Variants in NRP2 observed in about 807,000 individuals in gnomAD.
NRP2 encodes neuropilin-2.
Under a neutral mutation model 110.4 loss-of-function variants are expected in NRP2, and 52 were observed. That is an observed-to-expected ratio of 0.47 (90% CI 0.38 to 0.59). The LOEUF is 0.59. Among genes scored for constraint, NRP2 ranks in the 20% least tolerant of loss-of-function variants. The pLI is 0.00. For missense variants in NRP2, 1,049 were observed against 1,203.0 expected, an observed-to-expected ratio of 0.87 and a Z score of 1.89; for synonymous variants, 508 against 468.9, an observed-to-expected ratio of 1.08 and a Z score of -1.08.
chr2:205,768,805 C>T (rs900940589), intron 15 of NRP2, among the ~76,000 whole-genome samples: 2 of 152,136 alleles, frequency 1.3e-5, no homozygotes, highest in African/African-American at 4.8e-5. Flanking sequence ...TGGCAAGCAT[C>T]TTTGGGAAGA....
chr2:205,769,385 C>A (rs1199399293), intron 15 of NRP2, among the ~76,000 whole-genome samples: 1 of 152,088 alleles, frequency 6.6e-6, no homozygotes, highest in Non-Finnish European at 1.5e-5. Flanking sequence ...TAGATGGTCG[C>A]AATCTTTTAT....
intron 15 of NRP2, among the ~76,000 whole-genome samples, chr2:205,786,898 C>G (rs111360917): frequency 3.9e-5 from 6 of 152,020 alleles, no homozygotes; most frequent in Non-Finnish European, 7.4e-5. Context: ...TCTGTGCACA[C>G]CTTAAAACAA....
chr2:205,753,783 C>T (rs1051227352), intron 12 of NRP2, among the ~76,000 whole-genome samples: 1 of 152,180 alleles, frequency 6.6e-6, no homozygotes, highest in African/African-American at 2.4e-5. Context: ...CTTACCATAG[C>T]TGAGCTTAAG....
chr2:205,728,034 C>A lies in NRP2; in HGVS notation c.1134C>A (p.Gly378=), dbSNP rs754228250. 2 of 1,614,080 alleles carry A rather than the reference C, an allele frequency of 1.2e-6. No homozygotes were observed. Among genetic ancestry groups the A allele is most frequent in the Admixed American group, 1.7e-5 (1 of 60,026 alleles). ...NGEDWMVYRH[G]KNHKVFQANN... ...AGGACTGGATGGTGTACCGGCATGG[C>A]AAAAACCACAAGGTAAATCCATGAT... Residue 378 remains glycine (G), a synonymous_variant, in exon 7 of 17, where the codon GGC becomes GGA. Coordinates refer to ENST00000357785, the MANE Select transcript of NRP2 (RefSeq NM_003872.3).
intron 11 of NRP2, 144 bp downstream of exon 11, chr2:205,749,985 G>C (rs1219746388): frequency 1.4e-6 from 1 of 713,746 alleles, no homozygotes; most frequent in Non-Finnish European, 2.5e-6. Flanking sequence ...GGGGCACTTA[G>C]GGGTTTGGGG....
In NRP2 at chr2:205,745,858, T is replaced by G; in HGVS notation, c.1754T>G (p.Met585Arg). ...PERWSPAGIGMRLEVLGCDWT... is the reference protein window; with the variant it reads ...PERWSPAGIGRRLEVLGCDWT... ...AGGTGGTCGCCGGCGGGGATTGGGATGCGGCTGGAGGTGCTGGGCTGTGAC... is the reference window on the plus strand; with the variant it reads ...AGGTGGTCGCCGGCGGGGATTGGGAGGCGGCTGGAGGTGCTGGGCTGTGAC... The change falls in exon 10 of 17, where the codon ATG becomes AGG. Residue 585 changes from methionine to arginine, a missense_variant. Physicochemically the swap from Met to Arg is moderately conservative, Grantham distance 91. Transcript: ENST00000357785. The G allele has an allele frequency of 6.2e-7, 1 of 1,614,198 alleles. No homozygotes were observed. The highest frequency in any genetic ancestry group is 8.5e-7 in the Non-Finnish European group (1 of 1,180,022).
At chr2:205,753,388 G>C (rs548827027) in intron 12 of NRP2, among the ~76,000 whole-genome samples, 1 of 152,256 alleles carries the variant, frequency 6.6e-6, no homozygotes, top group Admixed American at 6.5e-5. Flanking sequence ...GAGATGACTG[G>C]CCTTGAGTTT....
At chr2:205,764,477 G>A (rs1575649537) in intron 13 of NRP2, 2 of 164,730 alleles carry the variant, frequency 1.2e-5, no homozygotes, top group African/African-American at 4.8e-5. Flanking sequence ...CAGAGCAGGA[G>A]ACTGAGGCAC....
Position 205,725,068 on chromosome 2 carries a change from A to G in NRP2, c.821-845A>G, listed in dbSNP as rs1438481804. Among the ~76,000 whole-genome samples, 1 of 152,166 alleles carries G rather than the reference A, an allele frequency of 6.6e-6. No individual in the cohort carries two copies. The highest frequency in any genetic ancestry group is 1.5e-5 in the Non-Finnish European group (1 of 68,026). ...ACTCACCATATATATAACTACAGACACGGCAGCCTGGCCTGCAGGAAGGTT... is the reference window on the plus strand; with the variant it reads ...ACTCACCATATATATAACTACAGACGCGGCAGCCTGGCCTGCAGGAAGGTT... On this transcript the variant is annotated intron_variant, in intron 5 of 16. Coordinates refer to ENST00000357785, the MANE Select transcript of NRP2 (RefSeq NM_003872.3). The surrounding 1 kb of genome is among the most constrained non-coding windows in gnomAD (Gnocchi z 4.1).
intron 1 of NRP2, chr2:205,685,834 CTG>C (rs922463793): frequency 6.6e-6 from 1 of 152,606 alleles, no homozygotes; most frequent in Non-Finnish European, 1.5e-5. Context: ...TGAGAGGAAA[CTG>C]GGGTGGGATT....
intron 10 of NRP2, among the ~76,000 whole-genome samples, chr2:205,747,091 G>A (rs2057551985): frequency 6.6e-6 from 1 of 152,194 alleles, no homozygotes; most frequent in Non-Finnish European, 1.5e-5. Flanking sequence ...ATGTGCCCTG[G>A]AATCAGGGGC....
At chr2:205,741,026 G>A (rs1404105755) in intron 8 of NRP2, among the ~76,000 whole-genome samples, 1 of 152,166 alleles carries the variant, frequency 6.6e-6, no homozygotes, top group African/African-American at 2.4e-5. Context: ...GTAAGTGGTA[G>A]AGCCATGGTT....
rs1262388108 is a variant in NRP2, at chr2:205,797,230, T to A, written c.*2172T>A. The A allele has an allele frequency of 6.6e-6, 1 of 152,656 alleles. No homozygotes were observed. Among genetic ancestry groups the A allele is most frequent in the Non-Finnish European group, 1.5e-5 (1 of 68,056 alleles). The allele number at this position is 152,656 out of a possible 1,614,324, so 9.5% of individuals were successfully genotyped here. ...CCCAAGGGCTTAGCTTTAGGGCTCC[T>A]CCTGAGTTCGGCCCACAGTAGAAGC... On this transcript the variant is annotated 3_prime_UTR_variant, in exon 17 of 17. Transcript: ENST00000357785.
chr2:205,745,829 G>A lies in NRP2; in HGVS notation c.1725G>A (p.Pro575=), dbSNP rs778602865. 5.6e-5 allele frequency: 90 copies of A among 1,614,088 alleles called. No homozygotes were observed. The highest frequency in any genetic ancestry group is 9.3e-5 in the African/African-American group (7 of 74,942). ...CGGCACAGTATGTGCGGGTATACCC[G>A]GAGAGGTGGTCGCCGGCGGGGATTG... ...PIPAQYVRVY[P]ERWSPAGIGM... The change falls in exon 10 of 17, where the codon CCG becomes CCA. Residue 575 remains proline, a synonymous_variant. Transcript: ENST00000357785.
At chr2:205,781,570 G>A (rs1183954362) in intron 15 of NRP2, among the ~76,000 whole-genome samples, 1 of 152,204 alleles carries the variant, frequency 6.6e-6, no homozygotes. Flanking sequence ...TGTAATCTCT[G>A]ATGAAAAGAG....
chr2:205,772,318 G>A (rs1025101257), intron 15 of NRP2, among the ~76,000 whole-genome samples: 1 of 152,160 alleles, frequency 6.6e-6, no homozygotes, highest in East Asian at 1.9e-4. Flanking sequence ...AGGAATGACC[G>A]GAACACTACC....
At chr2:205,736,642 C>T (rs578060323) in intron 7 of NRP2, among the ~76,000 whole-genome samples, 257 of 152,268 alleles carry the variant, frequency 1.7e-3, no homozygotes, top group Non-Finnish European at 1.9e-3. Flanking sequence ...GGAGGGAGGG[C>T]CAGTAAACTT....
intron 2 of NRP2, among the ~76,000 whole-genome samples, chr2:205,715,358 A>G (rs977145405): frequency 6.6e-6 from 1 of 152,176 alleles, no homozygotes; most frequent in East Asian, 1.9e-4. Flanking sequence ...TCAAATGAGC[A>G]CAGGCCTCCA....
At chr2:205,789,852 A>T in intron 15 of NRP2, among the ~76,000 whole-genome samples, 1 of 152,268 alleles carries the variant, frequency 6.6e-6, no homozygotes, top group Admixed American at 6.5e-5. Context: ...AAGGGCAAAG[A>T]TGCTTTTGAG....
Sources: gnomAD v4.1 joint callset for allele counts (sites outside exome capture counted in the v4.1 genomes callset) on GRCh38, gnomAD v4.1.1 for gene constraint, Gnocchi (gnomAD v3.1) non-coding constraint, MANE v1.5 for transcripts, NCBI Gene and HGNC (gene_info 2026-07-23, HGNC 2026-07-21) for gene names.